PNKD: variants seen among roughly 807,000 people sequenced by gnomAD.
The protein encoded by PNKD is PNKD metallo-beta-lactamase domain containing.
In PNKD, 36 loss-of-function variants were observed where a neutral mutation model predicts 45.3. The ratio of observed to expected loss-of-function variants is 0.80; its 90% CI spans 0.61 to 1.05. PNKD has a LOEUF of 1.05. Among genes scored for constraint, PNKD ranks in the 50% least tolerant of loss-of-function variants. The probability of loss-of-function intolerance (pLI) is 0.00; values close to 1 mark genes in which losing one functional copy is unlikely to be tolerated. For missense variants in PNKD, 511 were observed against 506.6 expected (o/e 1.01, Z -0.08); for synonymous variants, 197 against 210.1 (o/e 0.94, Z 0.54).
intron 2 of PNKD, chr2:218,323,029 C>A (rs1322669013): frequency 8.0e-5 from 35 of 437,826 alleles, no homozygotes; most frequent in Non-Finnish European, 3.5e-6. Flanking sequence ...CGCTGTGGCC[C>A]CGCCTCCTGG....
intron 2 of PNKD, among the ~76,000 whole-genome samples, chr2:218,330,374 G>A (rs1023826392): frequency 6.6e-6 from 1 of 152,200 alleles, no homozygotes. Flanking sequence ...AGAGGGAGGG[G>A]CGTCTGGGGG....
intron 2 of PNKD, among the ~76,000 whole-genome samples, chr2:218,281,438 CA>C (rs1691981502): frequency 6.6e-6 from 1 of 152,214 alleles, no homozygotes; most frequent in African/African-American, 2.4e-5. Flanking sequence ...CGGCCGGCCT[CA>C]CCTCATTTCT....
chr2:218,287,998 AG>A (rs1446810671), intron 2 of PNKD, among the ~76,000 whole-genome samples: 1 of 152,258 alleles, frequency 6.6e-6, no homozygotes, highest in African/African-American at 2.4e-5. Flanking sequence ...AGCCATTAGC[AG>A]GCTGATGCTA....
intron 2 of PNKD, among the ~76,000 whole-genome samples, chr2:218,293,187 C>G (rs533426240): frequency 7.1e-4 from 108 of 152,354 alleles, no homozygotes; most frequent in Non-Finnish European, 1.0e-3. Context: ...TTCAGAAGTC[C>G]TACATTGAGA....
intron 2 of PNKD, among the ~76,000 whole-genome samples, chr2:218,296,087 A>G (rs958087155): frequency 6.6e-5 from 10 of 152,138 alleles, no homozygotes; most frequent in African/African-American, 1.4e-4. Flanking sequence ...AGCTCAAGCA[A>G]TCCATCCGCC....
At position 218,326,522 on chromosome 2, in the gene PNKD, G is replaced by T. The variant is rs1377637623; in HGVS notation, c.237-13261G>T. 6.6e-6 allele frequency among the ~76,000 whole-genome samples: 1 copy of T among 152,154 alleles called. No individual in the cohort carries two copies. Among genetic ancestry groups the T allele is most frequent in the Non-Finnish European group, 1.5e-5 (1 of 68,020 alleles). On this transcript the variant is annotated intron_variant, in intron 2 of 9. Transcript: ENST00000273077. This position sits in a 1 kb window ranked among gnomAD's most constrained non-coding sequence, Gnocchi z 4.1. Reference sequence around the variant, plus strand: ...CCTTAGTTGTTTGCATCTATAAAGTGGGGTTGGGGATGCCTACCTCATAGG... The same window carrying T: ...CCTTAGTTGTTTGCATCTATAAAGTTGGGTTGGGGATGCCTACCTCATAGG...
At chr2:218,308,818 G>A (rs1286908163) in intron 2 of PNKD, among the ~76,000 whole-genome samples, 3 of 148,638 alleles carry the variant, frequency 2.0e-5, no homozygotes, top group African/African-American at 7.4e-5. Flanking sequence ...CTCCTGACCT[G>A]AGGGGATCTG....
At chr2:218,284,141 G>T (rs1291695752) in intron 2 of PNKD, 1 of 139,170 alleles carries the variant, frequency 7.2e-6, no homozygotes, top group Admixed American at 8.6e-5. Context: ...TCCAGCCTGG[G>T]CAACAGAGTG....
intron 2 of PNKD, among the ~76,000 whole-genome samples, chr2:218,336,819 A>G (rs1162579840): frequency 1.8e-5 from 2 of 110,270 alleles, no homozygotes; most frequent in Non-Finnish European, 3.5e-5. Flanking sequence ...TTTTTCAGAC[A>G]GAGTTTCACT....
chr2:218,334,635 A>G, intron 2 of PNKD: 1 of 697,484 alleles, frequency 1.4e-6, no homozygotes, highest in Non-Finnish European at 2.6e-6. Context: ...GACCTGGGTG[A>G]CAGAGCAAGA....
At chr2:218,273,095 GGCCCTCGGGACCAA>G in intron 2 of PNKD, 2 of 478,264 alleles carry the variant, frequency 4.2e-6, no homozygotes, top group South Asian at 4.6e-5. Flanking sequence ...CTAGGCCCCG[GGCCCTCGGGACCAA>G]GCCCTCAGAG....
chr2:218,311,326 C>T (rs1367131598), intron 2 of PNKD, among the ~76,000 whole-genome samples: 1 of 152,164 alleles, frequency 6.6e-6, no homozygotes, highest in Non-Finnish European at 1.5e-5. Flanking sequence ...AAATAAGACA[C>T]AGAGACAAAG....
At chr2:218,275,299 C>T (rs1263938238) in intron 2 of PNKD, 1 of 768,148 alleles carries the variant, frequency 1.3e-6, no homozygotes, top group Non-Finnish European at 1.9e-6. Context: ...TCCGTCCCCA[C>T]CAAGTACCCA....
In PNKD at chr2:218,322,048, G is replaced by C. The variant is rs1050656708; in HGVS notation, c.237-17735G>C. ...AGCGATTCTCCTGTCTCAGCCTCCC[G>C]AGTAGCTAGGATTACAGGCAGGCGC... On this transcript the variant is annotated intron_variant, in intron 2 of 9. Transcript: ENST00000273077. Among the ~76,000 whole-genome samples, 6 of 148,710 alleles carry C rather than the reference G, an allele frequency of 4.0e-5. No homozygotes were observed. In the Admixed American group the frequency reaches 4.1e-4, roughly 10 times the overall value.
chr2:218,339,559 T>C (rs1466112920), intron 2 of PNKD, among the ~76,000 whole-genome samples: 7 of 152,176 alleles, frequency 4.6e-5, no homozygotes, highest in Non-Finnish European at 7.3e-5. Flanking sequence ...CCTCAGTTCA[T>C]GTCTCCCTGA....
chr2:218,336,720 C>T (rs561256077), intron 2 of PNKD, among the ~76,000 whole-genome samples: 1 of 151,024 alleles, frequency 6.6e-6, no homozygotes, highest in African/African-American at 2.4e-5. Flanking sequence ...GGCTCAAGCA[C>T]TTCTTCCATC....
At chr2:218,271,635 G>C in intron 2 of PNKD, 86 bp downstream of exon 2, 1 of 1,244,992 alleles carries the variant, frequency 8.0e-7, no homozygotes, top group Non-Finnish European at 1.1e-6. Flanking sequence ...AGTTTCAGGT[G>C]GCGAGCTGAA....
intron 2 of PNKD, chr2:218,279,453 C>G: frequency 8.8e-7 from 1 of 1,132,236 alleles, no homozygotes; most frequent in Non-Finnish European, 1.2e-6. Flanking sequence ...AAGAACCCTC[C>G]CTAGCTGCAG....
At chr2:218,271,062 C>T in intron 1 of PNKD, 1 of 494,138 alleles carries the variant, frequency 2.0e-6, no homozygotes, top group South Asian at 2.2e-5. Flanking sequence ...AAAACCTTTT[C>T]CCGGATTTCC....
Sources: allele counts gnomAD v4.1 joint callset (sites outside exome capture counted in the v4.1 genomes callset), GRCh38; gene constraint gnomAD v4.1.1; non-coding constraint Gnocchi (gnomAD v3.1); transcripts MANE v1.5; gene names NCBI Gene and HGNC (gene_info 2026-07-23, HGNC 2026-07-21).